FOCAD: variants seen among roughly 807,000 people sequenced by gnomAD.
The protein encoded by FOCAD is KIAA1797.
Under a neutral mutation model 225.6 loss-of-function variants are expected in FOCAD, and 198 were observed. The ratio of observed to expected loss-of-function variants is 0.88; its 90% confidence interval spans 0.78 to 0.99. FOCAD has a LOEUF of 0.99. FOCAD is among the 50% of genes least tolerant of loss of function. FOCAD has a pLI of 0.00. For synonymous variants in FOCAD, 897 were observed against 755.0 expected (o/e 1.19, Z -3.08); for missense variants, 2,713 against 2,123.6 (o/e 1.28, Z -5.46).
chr9:20,934,249 T>A (rs954966035), intron 28 of FOCAD, among the ~76,000 whole-genome samples: 1 of 152,184 alleles, frequency 6.6e-6, no homozygotes, highest in Non-Finnish European at 1.5e-5. Context: ...TAACTGCATT[T>A]GCTTTTTGGT....
chr9:20,819,388 GT>G (rs990449911), intron 11 of FOCAD, among the ~76,000 whole-genome samples: 1 of 151,828 alleles, frequency 6.6e-6, no homozygotes. Flanking sequence ...TAATTTAAAA[GT>G]TTTTTGTAGA....
At chr9:20,710,013 C>G (rs1342674009) in intron 1 of FOCAD, among the ~76,000 whole-genome samples, 2 of 152,096 alleles carry the variant, frequency 1.3e-5, no homozygotes, top group African/African-American at 2.4e-5. Context: ...CACCTGGTCC[C>G]CAAAGACATA....
intron 9 of FOCAD, among the ~76,000 whole-genome samples, 163 bp from the exon 10 acceptor site, chr9:20,781,564 C>A (rs1277920574): frequency 6.6e-6 from 1 of 152,146 alleles, no homozygotes; most frequent in East Asian, 1.9e-4. Context: ...TATTTATACT[C>A]CTTTTATTTC....
At position 20,981,489 on chromosome 9, in the gene FOCAD, C is replaced by T; in HGVS notation, c.4441C>T (p.Gln1481Ter). Residue 1481 changes from glutamine to a stop codon, truncating the protein, a stop_gained, in exon 38 of 44, where the codon CAG becomes TAG. Coordinates refer to ENST00000338382, the MANE Select transcript of FOCAD (RefSeq NM_001375567.1). LOFTEE classifies it high-confidence loss of function. ...GTGGATAAAACACATCTCTGATGAA[C>T]AGATCCTGGGTTTTGTTGAAAATTT... ...PLWIKHISDE[Q>*]ILGFVENLMV... 3 of 1,614,098 alleles carry T rather than the reference C, an allele frequency of 1.9e-6. No individual in the cohort carries two copies. Among genetic ancestry groups the T allele is most frequent in the Non-Finnish European group, 2.5e-6 (3 of 1,179,990 alleles).
In FOCAD at chr9:20,789,544, A is replaced by G; in HGVS notation, c.1391A>G (p.Lys464Arg). The change falls in exon 11 of 44, where the codon AAA becomes AGA. Residue 464 changes from lysine (K) to arginine (R), a missense_variant. Physicochemically the swap from Lys to Arg is conservative, Grantham distance 26 (BLOSUM62 2). Transcript: ENST00000338382. ...CTGGCTCACCTCCTTGTTGAAGACA[A>G]AGGACAAAATCTTCACCAAATACTC... ...LLLAHLLVEDKGQNLHQILKV... is the reference protein window; with the variant it reads ...LLLAHLLVEDRGQNLHQILKV... 6.2e-7 allele frequency: 1 copy of G among 1,613,988 alleles called. No individual in the cohort carries two copies. Among genetic ancestry groups the G allele is most frequent in the Non-Finnish European group, 8.5e-7 (1 of 1,179,964 alleles).
At chr9:20,882,105 T>A in intron 20 of FOCAD, 49 bp downstream of exon 20, 1 of 1,538,132 alleles carries the variant, frequency 6.5e-7, no homozygotes, top group Non-Finnish European at 8.8e-7. Flanking sequence ...ATGTAATGAT[T>A]TAACTTCCAC....
At chr9:20,678,544 C>T (rs1470195155) in intron 2 of FOCAD, among the ~76,000 whole-genome samples, 2 of 152,162 alleles carry the variant, frequency 1.3e-5, no homozygotes, top group Admixed American at 6.5e-5. Context: ...TTATAGGTGA[C>T]CAAGGTAAGT....
chr9:20,739,789 A>G (rs1002974584), intron 4 of FOCAD, among the ~76,000 whole-genome samples: 32 of 152,074 alleles, frequency 2.1e-4, no homozygotes, highest in African/African-American at 7.2e-4. Context: ...CCTTTCTATT[A>G]GCTCTATTTC....
rs369900118 is a variant in FOCAD at position 20,980,090 on chromosome 9, GC to G, written c.4378-1334del. ...CAATCTGCTTTCTATTTGTAGTATT[GC>G]CTTTCTAAAATAACCTTTATTTATA... On this transcript the variant is annotated intron_variant, in intron 37 of 43. Coordinates refer to ENST00000338382, the MANE Select transcript of FOCAD (RefSeq NM_001375567.1). Among the ~76,000 whole-genome samples the G allele has an allele frequency of 3.0e-3, 459 of 151,556 alleles. 3 individuals carry two copies. The highest frequency in any genetic ancestry group is 0.01 in the African/African-American group (425 of 41,316).
rs113830139 is a variant in FOCAD, at chr9:20,909,432, G to C, written c.2718+2190G>C. On this transcript the variant is annotated intron_variant, in intron 22 of 43. Transcript: ENST00000338382. ...ATTTTCCCTAACACGGTTATTAATTGTTATAATGAATAATGCAAATTTGTT... is the reference window on the plus strand; with the variant it reads ...ATTTTCCCTAACACGGTTATTAATTCTTATAATGAATAATGCAAATTTGTT... 2.0e-5 allele frequency among the ~76,000 whole-genome samples: 3 copies of C among 152,092 alleles called. No homozygotes were observed. In the East Asian group the frequency reaches 5.8e-4, roughly 29 times the overall value.
chr9:20,797,813 C>T (rs1042153364), intron 11 of FOCAD, among the ~76,000 whole-genome samples: 1 of 152,198 alleles, frequency 6.6e-6, no homozygotes, highest in Non-Finnish European at 1.5e-5. Flanking sequence ...TTGACTTCCT[C>T]TTTTCCTAAT....
chr9:20,721,637 G>A (rs927199483), intron 4 of FOCAD, among the ~76,000 whole-genome samples: 1 of 151,854 alleles, frequency 6.6e-6, no homozygotes, highest in African/African-American at 2.4e-5. Flanking sequence ...AGGAGGTGGA[G>A]GTTGCAGTGA....
chr9:20,797,706 G>A (rs1344021738), intron 11 of FOCAD, among the ~76,000 whole-genome samples: 1 of 152,126 alleles, frequency 6.6e-6, no homozygotes, highest in East Asian at 1.9e-4. Context: ...TGTACCCTGA[G>A]ACTTTGCTGA....
chr9:20,731,248 A>G (rs1284848679), intron 4 of FOCAD, among the ~76,000 whole-genome samples: 1 of 41,034 alleles, frequency 2.4e-5, no homozygotes, highest in Non-Finnish European at 4.9e-5. Flanking sequence ...CAAAACAACA[A>G]CAACAACAAC....
At chr9:20,712,763 C>G (rs1341754247) in intron 1 of FOCAD, among the ~76,000 whole-genome samples, 1 of 123,842 alleles carries the variant, frequency 8.1e-6, no homozygotes, top group Non-Finnish European at 1.6e-5. Flanking sequence ...GACAGAATCT[C>G]ACTCAGTCAC....
At chr9:20,970,063 G>T (rs1839629933) in intron 35 of FOCAD, among the ~76,000 whole-genome samples, 1 of 150,956 alleles carries the variant, frequency 6.6e-6, no homozygotes, top group Non-Finnish European at 1.5e-5. Flanking sequence ...GATGAGAAAT[G>T]AGCTGTTAAT....
chr9:20,821,617 G>A (rs1824332410), intron 14 of FOCAD, among the ~76,000 whole-genome samples: 1 of 152,036 alleles, frequency 6.6e-6, no homozygotes, highest in Non-Finnish European at 1.5e-5. Flanking sequence ...AATAAACAGG[G>A]TGGAGGTGAC....
At chr9:20,941,381 A>G (rs1587678213) in intron 28 of FOCAD, among the ~76,000 whole-genome samples, 1 of 152,208 alleles carries the variant, frequency 6.6e-6, no homozygotes, top group East Asian at 1.9e-4. Context: ...GAAATGCGAT[A>G]ACATTTGTAT....
In FOCAD at chr9:20,926,345, A is replaced by G. The variant is rs1587631647; in HGVS notation, c.3006A>G (p.Val1002=). Residue 1002 remains valine (V), a synonymous_variant, in exon 26 of 44, where the codon GTA becomes GTG. Transcript: ENST00000338382. ...FLSMKEWVSM[V]LDTLLVIVDS... ...CAATGAAAGAGTGGGTTTCCATGGT[A>G]CTTGATACACTCTTGGTCATTGTGG... is the stretch of plus-strand genomic sequence containing the variant. 1.2e-6 allele frequency: 2 copies of G among 1,613,602 alleles called. No homozygotes were observed. The highest frequency in any genetic ancestry group is 2.2e-5 in the East Asian group (1 of 44,868).
Sources: gnomAD v4.1 joint callset for allele counts (sites outside exome capture counted in the v4.1 genomes callset) on GRCh38, gnomAD v4.1.1 for gene constraint, MANE v1.5 for transcripts, NCBI Gene and HGNC (gene_info 2026-07-23, HGNC 2026-07-21) for gene names.